The following ITGA4 variants were observed in gnomAD, a reference collection of about 807,000 sequenced individuals.
The protein encoded by ITGA4 is integrin alpha-4.
ITGA4 carries 63 observed loss-of-function variants against 133.6 expected under a neutral mutation model. The ratio of observed to expected loss-of-function variants is 0.47; its 90% CI spans 0.38 to 0.58. ITGA4 has a LOEUF of 0.58. ITGA4 is among the 20% of genes least tolerant of loss of function. The probability of loss-of-function intolerance (pLI) is 0.00; values close to 1 mark genes in which losing one functional copy is unlikely to be tolerated. For missense variants in ITGA4, 1,076 were observed against 1,252.7 expected, an observed-to-expected ratio of 0.86 and a Z score of 2.13; for synonymous variants, 483 against 438.0, an observed-to-expected ratio of 1.10 and a Z score of -1.28.
intron 20 of ITGA4, among the ~76,000 whole-genome samples, chr2:181,524,596 A>T (rs975802257): frequency 2.6e-5 from 4 of 152,196 alleles, no homozygotes; most frequent in Admixed American, 6.5e-5. Context: ...TCCTAGAGTA[A>T]ATAGGAAATC....
At chr2:181,507,974 T>G (rs1194431155) in intron 15 of ITGA4, among the ~76,000 whole-genome samples, 1 of 152,142 alleles carries the variant, frequency 6.6e-6, no homozygotes, top group Admixed American at 6.6e-5. Flanking sequence ...GATTTTTTTT[T>G]GTTTATTTCA....
intron 2 of ITGA4, chr2:181,459,297 A>G (rs532885940): frequency 1.3e-3 from 165 of 123,094 alleles, no homozygotes; most frequent in African/African-American, 4.7e-3. Context: ...TGTATCTTCA[A>G]TGCAAATAAA....
In ITGA4 at chr2:181,523,243, CATACAT is replaced by C. The variant is rs1686757837; in HGVS notation, c.2074-190_2074-185del. 1 of 473,528 alleles carries C rather than the reference CATACAT, an allele frequency of 2.1e-6. No individual in the cohort carries two copies. Among genetic ancestry groups the C allele is most frequent in the Non-Finnish European group, 3.9e-6 (1 of 259,656 alleles). The allele number at this position is 473,528 out of a possible 1,614,324, so 29.3% of individuals were successfully genotyped here. On this transcript the variant is annotated intron_variant, in intron 18 of 27. Transcript: ENST00000397033. The surrounding 1 kb of genome is among the most constrained non-coding windows in gnomAD (Gnocchi z 4.2). ...ACATATATACATACATATATATACACATACATATATACACACATGCACACATATTTA... is the reference window on the plus strand; with the variant it reads ...ACATATATACATACATATATATACACATATACACACATGCACACATATTTA...
At chr2:181,480,591 GT>G (rs778275866) in intron 6 of ITGA4, among the ~76,000 whole-genome samples, 19 of 152,122 alleles carry the variant, frequency 1.2e-4, no homozygotes, top group Non-Finnish European at 2.5e-4. Flanking sequence ...GGTTGTTTCT[GT>G]TGAGTGCCTC....
chr2:181,532,196 C>T (rs959420925), intron 25 of ITGA4, among the ~76,000 whole-genome samples: 2 of 152,196 alleles, frequency 1.3e-5, no homozygotes, highest in Non-Finnish European at 2.9e-5. Context: ...TAGCCTGATG[C>T]CTCCAGCTTT....
chr2:181,501,471 C>T (rs1200695646), intron 15 of ITGA4, among the ~76,000 whole-genome samples: 1 of 152,092 alleles, frequency 6.6e-6, no homozygotes, highest in Non-Finnish European at 1.5e-5. Flanking sequence ...ATCTAACATA[C>T]GTATACAAAG....
chr2:181,485,770 G>C, intron 9 of ITGA4, 111 bp from the exon 10 acceptor site: 1 of 835,990 alleles, frequency 1.2e-6, no homozygotes, highest in Non-Finnish European at 1.9e-6. Flanking sequence ...TCTGTAGTTT[G>C]TCCAACTTGT....
At chr2:181,478,903 G>T in intron 5 of ITGA4, 79 bp downstream of exon 5, 1 of 676,024 alleles carries the variant, frequency 1.5e-6, no homozygotes, top group Non-Finnish European at 2.3e-6. Flanking sequence ...AGACTGATAT[G>T]TTTTAAAGTA....
At chr2:181,509,015 A>G (rs1455540441) in intron 15 of ITGA4, among the ~76,000 whole-genome samples, 3 of 151,660 alleles carry the variant, frequency 2.0e-5, no homozygotes, top group East Asian at 3.9e-4. Flanking sequence ...GGTGGTACAC[A>G]TCTGTAGTCC....
At chr2:181,535,002 TC>T in intron 27 of ITGA4, 67 bp downstream of exon 27, 1 of 1,468,578 alleles carries the variant, frequency 6.8e-7, no homozygotes, top group Non-Finnish European at 9.0e-7. Context: ...CAATTTGACT[TC>T]CAAGTTATTA....
At position 181,458,192 on chromosome 2, in the gene ITGA4, T is replaced by TA; in HGVS notation, c.198-4_198-3insA. 6.2e-7 allele frequency: 1 copy of TA among 1,614,040 alleles called. No homozygotes were observed. Among genetic ancestry groups the TA allele is most frequent in the Non-Finnish European group, 8.5e-7 (1 of 1,179,970 alleles). On this transcript the variant is annotated splice_polypyrimidine_tract_variant and splice_region_variant and intron_variant, in intron 1 of 27. Transcript: ENST00000397033. Reference sequence around the variant, plus strand: ...TGAGCGCACGTGCACGTGTCTCGCTTTAGGCTCCTAGTGGGTGCGCCCACT... The same window carrying TA: ...TGAGCGCACGTGCACGTGTCTCGCTTATAGGCTCCTAGTGGGTGCGCCCACT...
chr2:181,461,118 A>G (rs1231241112), intron 2 of ITGA4, among the ~76,000 whole-genome samples: 1 of 150,782 alleles, frequency 6.6e-6, no homozygotes, highest in East Asian at 2.0e-4. Context: ...GAGAAGGTCC[A>G]TATCTCGCCT....
In ITGA4 at chr2:181,476,853, G is replaced by A. The variant is rs538981342; in HGVS notation, c.556+1565G>A. Among the ~76,000 whole-genome samples the A allele has an allele frequency of 2.6e-5, 4 of 152,154 alleles. No individual in the cohort carries two copies. The South Asian group carries it at 6.2e-4, about 24-fold the overall frequency. On this transcript the variant is annotated intron_variant, in intron 4 of 27. Coordinates refer to ENST00000397033, the MANE Select transcript of ITGA4 (RefSeq NM_000885.6). ...GGAGCTGGAGGCCAATAACCTAAGC[G>A]AACTAACACAGGAACAGAAAACCAA...
At position 181,537,086 on chromosome 2, in the gene ITGA4, T is replaced by TAA; in HGVS notation, c.*1560_*1561insAA. On this transcript the variant is annotated 3_prime_UTR_variant, in exon 28 of 28. Coordinates refer to ENST00000397033, the MANE Select transcript of ITGA4 (RefSeq NM_000885.6). ...CAAAACCTCCTGAACCCAGAGTGTG[T>TAA]ATACACAGGAATAAACTTTATGACA... 1 of 451,500 alleles carries TAA rather than the reference T, an allele frequency of 2.2e-6. No homozygotes were observed. Among genetic ancestry groups the TAA allele is most frequent in the South Asian group, 1.6e-5 (1 of 64,118 alleles). 28.0% of individuals were successfully genotyped at this position (451,500 alleles called of 1,614,324 possible).
chr2:181,529,559 A>T lies in ITGA4; in HGVS notation c.2449A>T (p.Ser817Cys). ...LTFHVINTGN[S>C]MAPNVSVEIM... ...TTATCAGGTTATCAACACTGGCAAT[A>T]GTATGGCTCCCAATGTTAGTGTGGA... The change falls in exon 23 of 28, where the codon AGT becomes TGT. Residue 817 changes from serine (S) to cysteine (C), a missense_variant. By Grantham distance (112) the Ser-to-Cys change is moderately radical. Around this residue, in one of 4 missense-constraint regions of ITGA4, gnomAD observed 365 missense variants for 421.4 expected, o/e 0.87. Coordinates refer to ENST00000397033, the MANE Select transcript of ITGA4 (RefSeq NM_000885.6). The T allele has an allele frequency of 6.2e-7, 1 of 1,600,484 alleles. No individual in the cohort carries two copies. Among genetic ancestry groups the T allele is most frequent in the African/African-American group, 1.3e-5 (1 of 74,732 alleles).
At chr2:181,468,204 C>T (rs1416419924) in intron 2 of ITGA4, among the ~76,000 whole-genome samples, 1 of 152,194 alleles carries the variant, frequency 6.6e-6, no homozygotes, top group African/African-American at 2.4e-5. Flanking sequence ...ACTCACAAAT[C>T]ATCCTTTGTA....
At chr2:181,477,696 C>G (rs1310917716) in intron 4 of ITGA4, among the ~76,000 whole-genome samples, 2 of 152,228 alleles carry the variant, frequency 1.3e-5, no homozygotes, top group African/African-American at 4.8e-5. Flanking sequence ...CAAGAGATAA[C>G]AAGTGTTGGC....
rs772861344 is a variant in ITGA4, at chr2:181,522,345, A to T, written c.2073+4A>T. On this transcript the variant is annotated splice_donor_region_variant and intron_variant, in intron 18 of 27. Transcript: ENST00000397033. ...TTTCATTAAGATTTTAGAGCTGGTA[A>T]GTACTGTAAACCACAATAGCATGAT... 1 of 1,592,454 alleles carries T rather than the reference A, an allele frequency of 6.3e-7. No individual in the cohort carries two copies. Among genetic ancestry groups the T allele is most frequent in the Non-Finnish European group, 8.6e-7 (1 of 1,168,934 alleles).
At chr2:181,498,992 A>G (rs951602727) in intron 15 of ITGA4, 36 of 532,540 alleles carry the variant, frequency 6.8e-5, no homozygotes, top group South Asian at 8.1e-5. Flanking sequence ...CATTTATCAC[A>G]TTTGACCTCA....
Sources: gnomAD v4.1 joint callset for allele counts (sites outside exome capture counted in the v4.1 genomes callset) on GRCh38, gnomAD v4.1.1 for gene constraint, gnomAD v4.1.1 regional missense constraint, Gnocchi (gnomAD v3.1) non-coding constraint, MANE v1.5 for transcripts, NCBI Gene and HGNC (gene_info 2026-07-23, HGNC 2026-07-21) for gene names.